The following SERPINB5 variants were observed in gnomAD, a reference collection of about 807,000 sequenced individuals.
SERPINB5 encodes the protein serpin B5.
SERPINB5 carries 27 observed loss-of-function variants against 32.2 expected under a neutral mutation model. The observed-to-expected ratio is 0.84, with a 90% CI of 0.62 to 1.16. The LOEUF (loss-of-function observed/expected upper bound fraction) is 1.16. Among genes scored for constraint, SERPINB5 ranks in the 50% most tolerant of loss-of-function variants. The pLI is 0.00. For synonymous variants in SERPINB5, 154 were observed against 157.4 expected (o/e 0.98, Z 0.16); for missense variants, 388 against 436.3 (o/e 0.89, Z 0.99).
rs1455556 is a variant in SERPINB5 at position 63,503,488 on chromosome 18, T to C, written c.894T>C (p.Ser298=). 0.65 allele frequency: 1,056,612 copies of C among 1,613,822 alleles called. 351,881 individuals carry two copies. Among genetic ancestry groups the C allele is most frequent in the Non-Finnish European group, 0.69 (812,350 of 1,179,882 alleles). The change falls in exon 7 of 7, where the codon AGT becomes AGC. Residue 298 remains serine (S), a synonymous_variant. Coordinates refer to ENST00000382771, the MANE Select transcript of SERPINB5 (RefSeq NM_002639.5). ...LENLGLKHIF[S]EDTSDFSGMS... ...ATCTAGGGCTGAAACATATCTTCAGTGAAGACACATCTGATTTCTCTGGAA... is the reference window on the plus strand; with the variant it reads ...ATCTAGGGCTGAAACATATCTTCAGCGAAGACACATCTGATTTCTCTGGAA...
chr18:63,477,399 T>G (rs2085309760), intron 1 of SERPINB5: 1 of 152,194 alleles, frequency 6.6e-6, no homozygotes, highest in African/African-American at 2.4e-5. Flanking sequence ...AGGCCTACTT[T>G]GGAACTCAGA....
chr18:63,483,701 G>A (rs1917158848), intron 1 of SERPINB5, among the ~76,000 whole-genome samples: 2 of 152,278 alleles, frequency 1.3e-5, no homozygotes, highest in African/African-American at 4.8e-5. Context: ...ATTGCCATAC[G>A]GCATGCCCTT....
intron 6 of SERPINB5, 134 bp from the exon 7 acceptor site, chr18:63,503,196 C>G (rs1222276854): frequency 3.0e-6 from 3 of 988,470 alleles, no homozygotes; most frequent in Non-Finnish European, 4.3e-6. Flanking sequence ...CCAAAAACTT[C>G]TGGGCCATCT....
intron 6 of SERPINB5, among the ~76,000 whole-genome samples, chr18:63,501,827 C>T (rs566734203): frequency 1.9e-4 from 29 of 152,300 alleles, no homozygotes; most frequent in East Asian, 7.7e-4. Flanking sequence ...TGTCTGTTGG[C>T]TGCATAAATG....
At chr18:63,495,629 C>T (rs1909431472) in intron 5 of SERPINB5, among the ~76,000 whole-genome samples, 1 of 152,132 alleles carries the variant, frequency 6.6e-6, no homozygotes. Flanking sequence ...CACTAAGGGT[C>T]GTACTTTTTT....
At chr18:63,497,403 C>G in intron 5 of SERPINB5, 5 of 1,158,940 alleles carry the variant, frequency 4.3e-6, no homozygotes, top group Non-Finnish European at 5.1e-6. Context: ...CCATGTGAAG[C>G]TCTGTGGGGG....
chr18:63,481,019 G>A (rs989052588), intron 1 of SERPINB5, among the ~76,000 whole-genome samples: 2 of 152,184 alleles, frequency 1.3e-5, no homozygotes, highest in African/African-American at 4.8e-5. Context: ...CAAAGGAAGG[G>A]ACTCACTCAA....
At chr18:63,484,810 C>T (rs529543880) in intron 2 of SERPINB5, among the ~76,000 whole-genome samples, 30 of 126,434 alleles carry the variant, frequency 2.4e-4, no homozygotes, top group African/African-American at 5.8e-4. Flanking sequence ...TGCAGTGGTG[C>T]GATGTTGGCT....
At position 63,504,270 on chromosome 18, in the gene SERPINB5, C is replaced by G. The variant is rs990469563; in HGVS notation, c.*548C>G. On this transcript the variant is annotated 3_prime_UTR_variant, in exon 7 of 7. Transcript: ENST00000382771. The stretch of plus-strand genomic sequence containing the variant: ...TGGCAGGCAGGTGTTTATTAAAATT[C>G]TGAATTTTGGGGATTTTCAAAAGAT... 6.5e-6 allele frequency: 1 copy of G among 153,292 alleles called. No homozygotes were observed. Among genetic ancestry groups the G allele is most frequent in the Non-Finnish European group, 1.5e-5 (1 of 68,950 alleles). 9.5% of individuals were successfully genotyped at this position (153,292 alleles called of 1,614,324 possible).
At chr18:63,477,321 G>A (rs938031001) in intron 1 of SERPINB5, 4 of 152,272 alleles carry the variant, frequency 2.6e-5, no homozygotes, top group East Asian at 1.9e-4. Flanking sequence ...CACGTGGCTC[G>A]GAGGTTTTGG....
In SERPINB5 at chr18:63,484,464, C is replaced by A. The variant is rs2292294; in HGVS notation, c.36C>A (p.Ala12=). ...DALQLANSAF[A]VDLFKQLCEK... ...TGCAACTAGCAAATTCGGCTTTTGC[C>A]GTTGATCTGTTCAAACAACTATGTG... The change falls in exon 2 of 7, where the codon GCC becomes GCA. Residue 12 remains alanine (A), a synonymous_variant. Transcript: ENST00000382771. 2 of 1,613,708 alleles carry A rather than the reference C, an allele frequency of 1.2e-6. No individual in the cohort carries two copies. The highest frequency in any genetic ancestry group is 1.7e-6 in the Non-Finnish European group (2 of 1,179,890).
intron 5 of SERPINB5, chr18:63,493,413 A>G: frequency 1.8e-6 from 1 of 549,538 alleles, no homozygotes; most frequent in African/African-American, 1.9e-5. Context: ...GAAAAGGAAA[A>G]GACCAAACTC....
chr18:63,489,874 A>G (rs2144499693), intron 4 of SERPINB5, among the ~76,000 whole-genome samples: 1 of 152,220 alleles, frequency 6.6e-6, no homozygotes, highest in South Asian at 2.1e-4. Context: ...TTTGTTAAGG[A>G]AAAAGGGACA....
chr18:63,501,310 T>G (rs1909567508), intron 6 of SERPINB5, among the ~76,000 whole-genome samples: 1 of 151,630 alleles, frequency 6.6e-6, no homozygotes, highest in African/African-American at 2.4e-5. Context: ...TTGTTGTCCT[T>G]GTGATAGTTT....
chr18:63,495,366 G>A (rs180696540), intron 5 of SERPINB5, among the ~76,000 whole-genome samples: 1 of 152,284 alleles, frequency 6.6e-6, no homozygotes, highest in African/African-American at 2.4e-5. Flanking sequence ...TTAGGGAGGG[G>A]TGTTGGCCCC....
chr18:63,479,687 C>G (rs1177109693), intron 1 of SERPINB5, among the ~76,000 whole-genome samples: 1 of 152,110 alleles, frequency 6.6e-6, no homozygotes, highest in Non-Finnish European at 1.5e-5. Flanking sequence ...ACTGACAGCT[C>G]CTTGGAGGCA....
intron 4 of SERPINB5, among the ~76,000 whole-genome samples, chr18:63,491,359 G>T (rs1226691450): frequency 7.5e-6 from 1 of 133,680 alleles, no homozygotes; most frequent in South Asian, 2.4e-4. Context: ...CTGAGATCGC[G>T]CCATTGCACT....
Position 63,481,041 on chromosome 18 carries a change from G to A in SERPINB5, c.-7-3381G>A, listed in dbSNP as rs148703231. On this transcript the variant is annotated intron_variant, in intron 1 of 6. Coordinates refer to ENST00000382771, the MANE Select transcript of SERPINB5 (RefSeq NM_002639.5). Reference sequence around the variant, plus strand: ...AGGGACTCACTCAAAGGGAAGGTCCGCCAATGGTGAGAGAAAGCCCCAGAG... The same window carrying A: ...AGGGACTCACTCAAAGGGAAGGTCCACCAATGGTGAGAGAAAGCCCCAGAG... Among the ~76,000 whole-genome samples the A allele has an allele frequency of 2.4e-3, 360 of 152,316 alleles. 2 individuals are homozygous for A. Among genetic ancestry groups the A allele is most frequent in the African/African-American group, 8.1e-3 (337 of 41,558 alleles).
intron 2 of SERPINB5, among the ~76,000 whole-genome samples, chr18:63,484,814 G>A (rs1246176478): frequency 2.1e-5 from 3 of 139,984 alleles, no homozygotes; most frequent in Admixed American, 7.7e-5. Flanking sequence ...GTGGTGCGAT[G>A]TTGGCTCACT....
Sources: allele counts gnomAD v4.1 joint callset (sites outside exome capture counted in the v4.1 genomes callset), GRCh38; gene constraint gnomAD v4.1.1; transcripts MANE v1.5; gene names NCBI Gene and HGNC (gene_info 2026-07-23, HGNC 2026-07-21).